Variants in EEA1 observed in about 807,000 individuals in gnomAD.
EEA1 encodes the protein early endosome antigen 1, 162kD.
EEA1 carries 111 observed loss-of-function variants against 209.2 expected under a neutral mutation model. The observed-to-expected ratio is 0.53, with a 90% CI of 0.45 to 0.62. The LOEUF is 0.62. EEA1 is among the 20% of genes least tolerant of loss of function. The pLI, the probability that EEA1 is intolerant of heterozygous loss-of-function variation, is 0.00. For missense variants in EEA1, 1,343 were observed against 1,530.8 expected, an observed-to-expected ratio of 0.88 and a Z score of 2.05; for synonymous variants, 536 against 540.6, an observed-to-expected ratio of 0.99 and a Z score of 0.12.
chr12:92,910,159 A>ATTAAAT (rs373365680), intron 1 of EEA1, among the ~76,000 whole-genome samples: 2,787 of 23,278 alleles, frequency 0.12, 98 homozygotes, highest in African/African-American at 0.32. Flanking sequence ...AAATAAATTA[A>ATTAAAT]TTAAATTTTA....
At position 92,896,217 on chromosome 12, in the gene EEA1, C is replaced by G. The variant is rs141597884; in HGVS notation, c.25-4496G>C. On this transcript the variant is annotated intron_variant, in intron 1 of 28. Coordinates refer to ENST00000322349, the MANE Select transcript of EEA1 (RefSeq NM_003566.4). ...TCGATCTCTTCACCTCGTGATCCAC[C>G]CACTTCGGCCTCCCAAAGTGCCGGG... is the stretch of plus-strand genomic sequence containing the variant. Among the ~76,000 whole-genome samples the G allele has an allele frequency of 3.5e-3, 535 of 152,214 alleles. 1 individual carries two copies. Among genetic ancestry groups the G allele is most frequent in the Middle Eastern group, 0.01 (3 of 294 alleles).
chr12:92,841,619 TA>T (rs574126070), intron 10 of EEA1, among the ~76,000 whole-genome samples: 85 of 152,144 alleles, frequency 5.6e-4, no homozygotes, highest in African/African-American at 1.8e-3. Flanking sequence ...GCAAGCACAT[TA>T]AAAAATGTTC....
Position 92,862,237 on chromosome 12 carries a change from C to T in EEA1, c.245+2623G>A, listed in dbSNP as rs527493316. On this transcript the variant is annotated intron_variant, in intron 3 of 28. Coordinates refer to ENST00000322349, the MANE Select transcript of EEA1 (RefSeq NM_003566.4). ...AAACGGAAACGCATGCAGTAACTTC[C>T]GTAAGCAATGAGAAGCCTGCAAAAA... Among the ~76,000 whole-genome samples, 165 of 141,186 alleles carry T rather than the reference C, an allele frequency of 1.2e-3. 4 individuals carry two copies. The Admixed American group carries it at 0.012, about 10-fold the overall frequency. The allele number at this position is 141,186 out of a possible 152,430, so 92.6% of individuals were successfully genotyped here.
intron 3 of EEA1, among the ~76,000 whole-genome samples, chr12:92,864,534 C>T (rs1878287375): frequency 6.6e-6 from 1 of 152,018 alleles, no homozygotes; most frequent in Admixed American, 6.6e-5. Context: ...ATTATTTTAA[C>T]AACTTACTAT....
At chr12:92,890,140 G>C (rs1331458081) in intron 2 of EEA1, among the ~76,000 whole-genome samples, 1 of 151,992 alleles carries the variant, frequency 6.6e-6, no homozygotes, top group Non-Finnish European at 1.5e-5. Context: ...AAGAGTTTTT[G>C]GTCTTGGTTT....
rs1876704857 is a variant in EEA1, at chr12:92,832,574, G to C, written c.1192C>G (p.Leu398Val). 6.2e-7 allele frequency: 1 copy of C among 1,614,004 alleles called. No homozygotes were observed. Among genetic ancestry groups the C allele is most frequent in the African/African-American group, 1.3e-5 (1 of 74,994 alleles). The change falls in exon 11 of 29, where the codon CTA (leucine) becomes GTA (valine). Residue 398 changes from leucine to valine, a missense_variant. By Grantham distance (32) the Leu-to-Val change is conservative. This residue lies in a region of EEA1 where 1,307 missense variants were observed against 1,465.5 expected (regional missense o/e 0.89). Transcript: ENST00000322349. ...YQHLKAEFKQLQQQREEKEQH... is the reference protein window; with the variant it reads ...YQHLKAEFKQVQQQREEKEQH... ...TCCTTTTCTTCTCTCTGTTGTTGTA[G>C]CTGCTTAAACTCCGCCTTTAGATGC...
chr12:92,879,588 G>T (rs1376557613), intron 2 of EEA1, among the ~76,000 whole-genome samples: 4 of 151,878 alleles, frequency 2.6e-5, no homozygotes, highest in African/African-American at 9.7e-5. Flanking sequence ...AAGGGGAAAA[G>T]CTCTCAGAAA....
At position 92,929,267 on chromosome 12, in the gene EEA1, GA is replaced by G. The variant is rs1565867819; in HGVS notation, c.-202del. 3.3e-6 allele frequency: 1 copy of G among 306,474 alleles called. No homozygotes were observed. Among genetic ancestry groups the G allele is most frequent in the African/African-American group, 2.3e-5 (1 of 42,744 alleles). The allele number at this position is 306,474 out of a possible 1,614,324, so 19.0% of individuals were successfully genotyped here. On this transcript the variant is annotated 5_prime_UTR_variant, in exon 1 of 29. Coordinates refer to ENST00000322349, the MANE Select transcript of EEA1 (RefSeq NM_003566.4). ...AGGGAGCACGCGAGAGAGAGCGAGC[GA>G]ACGACTAGGCAGCCTGCGAGCGCCT...
rs201638332 is a variant in EEA1, at chr12:92,852,277, A to G, written c.540T>C (p.Asp180=). Residue 180 remains aspartate, a synonymous_variant, in exon 8 of 29, where the codon GAT becomes GAC. Transcript: ENST00000322349. ...TEIADIKSKY[D]EERSLREAAE... ...CAGCTTCTCGAAGACTCCTTTCTTC[A>G]TCATACTTTGACTTTATATCTAATT... is the stretch of plus-strand genomic sequence containing the variant. 286 of 1,590,098 alleles carry G rather than the reference A, an allele frequency of 1.8e-4. 1 individual carries two copies. The highest frequency in any genetic ancestry group is 2.2e-4 in the Non-Finnish European group (261 of 1,169,318).
At chr12:92,791,553 C>G (rs777969619) in intron 21 of EEA1, among the ~76,000 whole-genome samples, 3 of 152,154 alleles carry the variant, frequency 2.0e-5, no homozygotes, top group Non-Finnish European at 2.9e-5. Flanking sequence ...TTAAAGGGAT[C>G]AGTTCAACAA....
chr12:92,802,412 ATATAGCGGCTTT>A lies in EEA1; in HGVS notation c.2650_2661del (p.Lys884_Ile887del). 6.4e-7 allele frequency: 1 copy of A among 1,572,566 alleles called. No individual in the cohort carries two copies. The highest frequency in any genetic ancestry group is 8.5e-7 in the Non-Finnish European group (1 of 1,169,750). ...AAATGTAAACTACTAACCAAGTCTA[ATATAGCGGCTTT>A]TCCTTTCTGATTCTCCTTTTCAAAT... On this transcript the variant is annotated inframe_deletion, in exon 19 of 29. Coordinates refer to ENST00000322349, the MANE Select transcript of EEA1 (RefSeq NM_003566.4).
intron 9 of EEA1, among the ~76,000 whole-genome samples, chr12:92,850,682 T>A (rs577231121): frequency 5.7e-5 from 6 of 104,396 alleles, no homozygotes; most frequent in Non-Finnish European, 1.1e-4. Flanking sequence ...AGAGCAAGAC[T>A]TTGTCTCAAA....
chr12:92,870,622 T>C (rs1044315355), intron 2 of EEA1, among the ~76,000 whole-genome samples: 1 of 152,072 alleles, frequency 6.6e-6, no homozygotes, highest in Non-Finnish European at 1.5e-5. Context: ...TATATTTTCC[T>C]GAATAGGGAC....
chr12:92,919,151 A>G (rs1370218192), intron 1 of EEA1, among the ~76,000 whole-genome samples: 17 of 151,196 alleles, frequency 1.1e-4, no homozygotes, highest in African/African-American at 2.2e-4. Flanking sequence ...ATTCACAGCC[A>G]AATTCTACCA....
chr12:92,815,973 AGAGT>A (rs1383663449), intron 15 of EEA1, among the ~76,000 whole-genome samples: 2 of 151,202 alleles, frequency 1.3e-5, no homozygotes, highest in East Asian at 3.9e-4. Flanking sequence ...GGAGAAAGGA[AGAGT>A]GAGAGGAAGG....
intron 12 of EEA1, among the ~76,000 whole-genome samples, chr12:92,826,824 T>C (rs1340880570): frequency 2.0e-5 from 3 of 152,156 alleles, no homozygotes; most frequent in African/African-American, 2.4e-5. Context: ...CTAAAAAAAC[T>C]TTCTCCAGGC....
At chr12:92,853,327 G>T (rs1470530942) in intron 6 of EEA1, among the ~76,000 whole-genome samples, 1 of 151,970 alleles carries the variant, frequency 6.6e-6, no homozygotes, top group African/African-American at 2.4e-5. Context: ...TCCATCAAAT[G>T]ACCAAAAAGG....
At chr12:92,812,951 A>AT in intron 16 of EEA1, 29 bp downstream of exon 16, 1 of 1,450,284 alleles carries the variant, frequency 6.9e-7, no homozygotes, top group Non-Finnish European at 9.5e-7. Flanking sequence ...GCACTAGGTG[A>AT]TAGTATGAAA....
rs1210464396 is a variant in EEA1 at position 92,929,116 on chromosome 12, G to T, written c.-50C>A. On this transcript the variant is annotated 5_prime_UTR_variant, in exon 1 of 29. Transcript: ENST00000322349. The stretch of plus-strand genomic sequence containing the variant: ...CGCGGTGACTCTCCAGACCCTGCGC[G>T]GGGCCACTCACTACTCGGGGTGCGC... 1.9e-6 allele frequency: 3 copies of T among 1,556,282 alleles called. No homozygotes were observed. Among genetic ancestry groups the T allele is most frequent in the East Asian group, 2.6e-5 (1 of 39,042 alleles).
Sources: gnomAD v4.1 joint callset for allele counts (sites outside exome capture counted in the v4.1 genomes callset) on GRCh38, gnomAD v4.1.1 for gene constraint, gnomAD v4.1.1 regional missense constraint, MANE v1.5 for transcripts, NCBI Gene and HGNC (gene_info 2026-07-23, HGNC 2026-07-21) for gene names.